Variants in XKR9 observed in about 807,000 individuals in gnomAD.
XKR9 encodes the protein XK related 9, also known as XK-related protein 9.
XKR9 carries 32 observed loss-of-function variants against 32.0 expected under a neutral mutation model. The ratio of observed to expected loss-of-function variants is 1.00; its 90% confidence interval spans 0.76 to 1.34. The LOEUF (loss-of-function observed/expected upper bound fraction) is 1.34. Among genes scored for constraint, XKR9 ranks in the 40% most tolerant of loss-of-function variants. XKR9 has a pLI of 0.00. For synonymous variants in XKR9, 168 were observed against 143.4 expected, an observed-to-expected ratio of 1.17 and a Z score of -1.22; for missense variants, 546 against 429.7, an observed-to-expected ratio of 1.27 and a Z score of -2.39.
chr8:70,772,097 A>T (rs1297843305), intron 2 of XKR9, among the ~76,000 whole-genome samples: 3 of 152,206 alleles, frequency 2.0e-5, no homozygotes, highest in Non-Finnish European at 4.4e-5. Context: ...ATTATACCTG[A>T]TAAATTAATA....
At chr8:70,719,073 A>T (rs902020592) in intron 4 of XKR9, among the ~76,000 whole-genome samples, 31 of 152,086 alleles carry the variant, frequency 2.0e-4, no homozygotes, top group Admixed American at 1.6e-3. Context: ...ACCAGTTATG[A>T]TGAGTTTTTT....
the XKR9 span, among the ~76,000 whole-genome samples, chr8:71,055,336 A>T: frequency 6.6e-6 from 1 of 152,234 alleles, no homozygotes; most frequent in Admixed American, 6.5e-5. Flanking sequence ...GTGAGATAGG[A>T]AGATGGGTGA....
chr8:70,954,195 C>T, the XKR9 span, among the ~76,000 whole-genome samples: 2 of 152,120 alleles, frequency 1.3e-5, no homozygotes, highest in African/African-American at 2.4e-5. Context: ...TGCCTGACCA[C>T]ATCTGGATTA....
At chr8:70,794,823 T>TTGTGTGTGTGTGTGTG (rs56167343), downstream of XKR9, among the ~76,000 whole-genome samples, 5,014 of 147,590 alleles carry the variant, frequency 0.034, 258 homozygotes, top group African/African-American at 0.11. Context: ...TAGTCTTCTT[T>TTGTGTGTGTGTGTGTG]TGTGTGTGTG....
chr8:70,906,963 C>T, the XKR9 span, among the ~76,000 whole-genome samples: 2 of 151,998 alleles, frequency 1.3e-5, no homozygotes. Context: ...GTATAACTAC[C>T]ACTACCAAGA....
At chr8:70,833,227 T>C in the XKR9 span, among the ~76,000 whole-genome samples, 24 of 152,180 alleles carry the variant, frequency 1.6e-4, 1 homozygote, top group African/African-American at 5.3e-4. Context: ...TTTAACCAAC[T>C]TGAGTCAGCT....
intron 3 of XKR9, among the ~76,000 whole-genome samples, chr8:70,684,299 G>A (rs896877488): frequency 1.3e-5 from 2 of 151,960 alleles, no homozygotes; most frequent in Non-Finnish European, 2.9e-5. Flanking sequence ...TAAGTTACAC[G>A]TTCTCACTGT....
chr8:70,698,654 A>G (rs1424085744), intron 3 of XKR9, among the ~76,000 whole-genome samples: 1 of 152,036 alleles, frequency 6.6e-6, no homozygotes, highest in Non-Finnish European at 1.5e-5. Context: ...AAAAAAATGT[A>G]TATTCTGTTG....
chr8:70,773,021 ATACATG>A (rs565633292), intron 2 of XKR9, among the ~76,000 whole-genome samples: 15 of 152,230 alleles, frequency 9.9e-5, no homozygotes, highest in Admixed American at 3.9e-4. Flanking sequence ...AAGTTTATTT[ATACATG>A]TAATGTAGAT....
intron 2 of XKR9, among the ~76,000 whole-genome samples, chr8:70,776,788 A>G (rs1452128655): frequency 4.6e-5 from 7 of 151,754 alleles, no homozygotes; most frequent in African/African-American, 1.5e-4. Context: ...GCCACCTTAA[A>G]TTAAGAAATC....
At chr8:70,906,819 T>TA in the XKR9 span, among the ~76,000 whole-genome samples, 10 of 152,132 alleles carry the variant, frequency 6.6e-5, no homozygotes, top group African/African-American at 2.2e-4. Context: ...AATAAATATG[T>TA]AAAAAATTTT....
the XKR9 span, among the ~76,000 whole-genome samples, chr8:70,875,681 C>A: frequency 6.6e-6 from 1 of 152,024 alleles, no homozygotes. Flanking sequence ...AATGAGGATG[C>A]AAGATCAACA....
At chr8:70,820,586 A>G in the XKR9 span, among the ~76,000 whole-genome samples, 1 of 152,166 alleles carries the variant, frequency 6.6e-6, no homozygotes, top group Admixed American at 6.5e-5. Flanking sequence ...TGGGTAATTT[A>G]TGTTTGGAAA....
At chr8:70,752,655 C>T (rs1017995698) in intron 2 of XKR9, among the ~76,000 whole-genome samples, 4 of 152,164 alleles carry the variant, frequency 2.6e-5, no homozygotes, top group Non-Finnish European at 5.9e-5. Context: ...TGGGGACAAA[C>T]CATAGCAAAG....
chr8:70,846,775 T>G, the XKR9 span, among the ~76,000 whole-genome samples: 1 of 151,926 alleles, frequency 6.6e-6, no homozygotes, highest in Non-Finnish European at 1.5e-5. Flanking sequence ...AATAGTGAAA[T>G]GAGACAAAGG....
intron 2 of XKR9, among the ~76,000 whole-genome samples, chr8:70,768,800 C>A (rs1256679343): frequency 6.6e-6 from 1 of 151,248 alleles, no homozygotes; most frequent in Non-Finnish European, 1.5e-5. Flanking sequence ...TTCTTCCATC[C>A]CTTTATTTTG....
the XKR9 span, among the ~76,000 whole-genome samples, chr8:71,012,184 T>C: frequency 6.6e-6 from 1 of 152,164 alleles, no homozygotes. Context: ...GACAGCCAAG[T>C]GCCAATTCTA....
At chr8:71,057,096 T>G in the XKR9 span, among the ~76,000 whole-genome samples, 7 of 152,314 alleles carry the variant, frequency 4.6e-5, no homozygotes, top group Admixed American at 3.3e-4. Context: ...ATGGGAAAGA[T>G]GTTCCATCAG....
chr8:70,837,521 C>G, the XKR9 span, among the ~76,000 whole-genome samples: 1 of 152,004 alleles, frequency 6.6e-6, no homozygotes, highest in East Asian at 1.9e-4. Flanking sequence ...GGATAAAGAA[C>G]AGGATGATGC....
Sources: allele counts gnomAD v4.1 joint callset (sites outside exome capture counted in the v4.1 genomes callset), GRCh38; gene constraint gnomAD v4.1.1; transcripts MANE v1.5; gene names NCBI Gene and HGNC (gene_info 2026-07-23, HGNC 2026-07-21).